Variants in STK3 observed in about 807,000 individuals in gnomAD.
STK3 encodes the protein serine/threonine-protein kinase 3.
In STK3, 41 loss-of-function variants were observed where a neutral mutation model predicts 58.0. That is an observed-to-expected ratio of 0.71 (90% CI 0.55 to 0.92). The LOEUF is 0.92. Among genes scored for constraint, STK3 ranks in the 40% least tolerant of loss-of-function variants. The pLI is 0.00. For missense variants in STK3, 479 were observed against 602.7 expected, an observed-to-expected ratio of 0.79 and a Z score of 2.15; for synonymous variants, 170 against 191.0, an observed-to-expected ratio of 0.89 and a Z score of 0.91.
chr8:98,620,564 C>T (rs1261139630), intron 6 of STK3, among the ~76,000 whole-genome samples: 2 of 139,654 alleles, frequency 1.4e-5, no homozygotes, highest in South Asian at 2.3e-4. Context: ...ATACACTAAA[C>T]CGAATAAAAA....
chr8:98,494,641 T>TGA (rs1822978476), intron 10 of STK3, among the ~76,000 whole-genome samples: 1 of 109,730 alleles, frequency 9.1e-6, no homozygotes. Context: ...GGTGACAGAG[T>TGA]GAGACCCTGT....
intron 3 of STK3, among the ~76,000 whole-genome samples, chr8:98,404,434 A>G (rs902449095): frequency 6.6e-6 from 1 of 152,144 alleles, no homozygotes; most frequent in African/African-American, 2.4e-5. Context: ...TAACCCCAGC[A>G]CTTTGGGAGG....
chr8:98,579,039 T>C (rs549329871), intron 8 of STK3, among the ~76,000 whole-genome samples: 117 of 152,084 alleles, frequency 7.7e-4, no homozygotes, highest in Non-Finnish European at 1.2e-3. Flanking sequence ...TAGTCCCAGA[T>C]ACTCATGAGG....
intron 1 of STK3, among the ~76,000 whole-genome samples, chr8:98,933,545 G>A (rs1214008462): frequency 6.6e-6 from 1 of 152,144 alleles, no homozygotes; most frequent in East Asian, 1.9e-4. Flanking sequence ...TCTCCTTTAA[G>A]GAAATAAATG....
At position 98,485,095 on chromosome 8, in the gene STK3, G is replaced by T. The variant is rs1325318202; in HGVS notation, c.1318-29095C>A. 2.6e-5 allele frequency among the ~76,000 whole-genome samples: 4 copies of T among 152,202 alleles called. No homozygotes were observed. In the East Asian group the frequency reaches 5.8e-4, roughly 22 times the overall value. ...TCTCTACTAAAAATACAAAAAATTA[G>T]CCAGGCGTGGTGGCACACACCTATA... On this transcript the variant is annotated intron_variant, in intron 10 of 10. Coordinates refer to ENST00000419617, the MANE Select transcript of STK3 (RefSeq NM_006281.4).
chr8:98,601,792 T>C (rs1242619525), intron 6 of STK3: 1 of 152,148 alleles, frequency 6.6e-6, no homozygotes, highest in Non-Finnish European at 1.5e-5. Context: ...TGAAACCTCA[T>C]GGAGCTGTGA....
At chr8:98,671,310 A>G (rs1822813461) in intron 6 of STK3, among the ~76,000 whole-genome samples, 1 of 152,168 alleles carries the variant, frequency 6.6e-6, no homozygotes, top group Admixed American at 6.5e-5. Context: ...GTCTGAATCC[A>G]TCTGAGGGGG....
intron 1 of STK3, among the ~76,000 whole-genome samples, chr8:98,813,427 T>C (rs1304735350): frequency 6.6e-6 from 1 of 152,156 alleles, no homozygotes; most frequent in African/African-American, 2.4e-5. Flanking sequence ...AATTAATTAT[T>C]GGCACCATAA....
chr8:98,756,755 G>C (rs911601378), intron 3 of STK3, among the ~76,000 whole-genome samples: 1 of 152,192 alleles, frequency 6.6e-6, no homozygotes, highest in Non-Finnish European at 1.5e-5. Flanking sequence ...CCTAGAGACA[G>C]CAAACTAACT....
intron 8 of STK3, among the ~76,000 whole-genome samples, chr8:98,574,690 A>C (rs559420101): frequency 1.3e-5 from 2 of 152,332 alleles, no homozygotes; most frequent in East Asian, 3.9e-4. Flanking sequence ...AAATGAAAAG[A>C]GGGCTTTGGA....
At chr8:98,742,051 T>A (rs1203111896) in intron 4 of STK3, among the ~76,000 whole-genome samples, 1 of 152,048 alleles carries the variant, frequency 6.6e-6, no homozygotes, top group South Asian at 2.1e-4. Flanking sequence ...AATCTCTGAA[T>A]AGAACAATAA....
chr8:98,440,574 TG>T (rs1818654798), intron 1 of STK3, among the ~76,000 whole-genome samples: 6 of 152,068 alleles, frequency 3.9e-5, no homozygotes, highest in African/African-American at 1.5e-4. Flanking sequence ...CGTGTGTGTG[TG>T]TGTGTGTGTG....
rs372066472 is a variant in STK3, at chr8:98,661,119, A to T, written c.684+45348T>A. On this transcript the variant is annotated intron_variant, in intron 6 of 10. Coordinates refer to ENST00000419617, the MANE Select transcript of STK3 (RefSeq NM_006281.4). Reference sequence around the variant, plus strand: ...CTTTGTAACTCTTTAGAGCACTCCTACCATAAGTATAAATTACAATTTTTA... The same window carrying T: ...CTTTGTAACTCTTTAGAGCACTCCTTCCATAAGTATAAATTACAATTTTTA... 3.3e-5 allele frequency among the ~76,000 whole-genome samples: 5 copies of T among 152,202 alleles called. No individual in the cohort carries two copies. The South Asian group carries it at 1.0e-3, about 32-fold the overall frequency.
In STK3 at chr8:98,628,685, C is replaced by T. The variant is rs183889877; in HGVS notation, c.685-32516G>A. ...GTCCTAGTGGTATGTGCCTATGTTCCCAGCTACTCAGGAGGCTGAGGCAGA... is the reference window on the plus strand; with the variant it reads ...GTCCTAGTGGTATGTGCCTATGTTCTCAGCTACTCAGGAGGCTGAGGCAGA... On this transcript the variant is annotated intron_variant, in intron 6 of 10. Coordinates refer to ENST00000419617, the MANE Select transcript of STK3 (RefSeq NM_006281.4). Among the ~76,000 whole-genome samples the T allele has an allele frequency of 7.8e-4, 118 of 151,974 alleles. 1 individual carries two copies. Among genetic ancestry groups the T allele is most frequent in the Admixed American group, 1.2e-3 (19 of 15,246 alleles).
At chr8:98,529,883 G>T (rs1042849949) in intron 9 of STK3, among the ~76,000 whole-genome samples, 5 of 152,150 alleles carry the variant, frequency 3.3e-5, no homozygotes, top group Non-Finnish European at 7.4e-5. Flanking sequence ...GTGGGAAATG[G>T]GGAGTCGGCG....
intron 6 of STK3, among the ~76,000 whole-genome samples, chr8:98,662,678 T>C (rs1822049274): frequency 7.1e-6 from 1 of 141,026 alleles, no homozygotes; most frequent in African/African-American, 2.7e-5. Flanking sequence ...GCTGTATTTC[T>C]TTTTTTTTTT....
chr8:98,695,960 G>A (rs1163826808), intron 6 of STK3, among the ~76,000 whole-genome samples: 1 of 152,022 alleles, frequency 6.6e-6, no homozygotes, highest in Admixed American at 6.6e-5. Context: ...TGGGCAGTAT[G>A]GCCATTTTCA....
At position 98,610,168 on chromosome 8, in the gene STK3, G is replaced by A. The variant is rs149190433; in HGVS notation, c.685-13999C>T. Among the ~76,000 whole-genome samples the A allele has an allele frequency of 9.9e-5, 14 of 141,822 alleles. No homozygotes were observed. The East Asian group carries it at 2.8e-3, about 29-fold the overall frequency. 93.0% of individuals were successfully genotyped at this position (141,822 alleles called of 152,430 possible). ...ATACCCCCATCCAAAGGAACTATCT[G>A]GAATGTACCAAAATGTTTCAAAACA... On this transcript the variant is annotated intron_variant, in intron 6 of 10. Coordinates refer to ENST00000419617, the MANE Select transcript of STK3 (RefSeq NM_006281.4).
chr8:98,689,877 A>C (rs973190625), intron 6 of STK3, among the ~76,000 whole-genome samples: 3 of 152,212 alleles, frequency 2.0e-5, no homozygotes, highest in African/African-American at 7.2e-5. Context: ...CTAGGATGCA[A>C]GGATGATTCA....
Sources: gnomAD v4.1 joint callset for allele counts (sites outside exome capture counted in the v4.1 genomes callset) on GRCh38, gnomAD v4.1.1 for gene constraint, MANE v1.5 for transcripts, NCBI Gene and HGNC (gene_info 2026-07-23, HGNC 2026-07-21) for gene names.